TTC34: variants seen among roughly 807,000 people sequenced by gnomAD.
The protein encoded by TTC34 is tetratricopeptide repeat protein 34.
Under a neutral mutation model 40.7 loss-of-function variants are expected in TTC34, and 44 were observed. The observed-to-expected ratio is 1.08, with a 90% CI of 0.85 to 1.39. The LOEUF (loss-of-function observed/expected upper bound fraction) is 1.39. TTC34 is among the 40% of genes most tolerant of loss of function. The pLI is 0.00. For synonymous variants in TTC34, 422 were observed against 398.6 expected (o/e 1.06, Z -0.70); for missense variants, 884 against 838.0 (o/e 1.05, Z -0.68).
chr1:2,800,931 C>G (rs571583884), intron 1 of TTC34, 63 bp from the exon 2 acceptor site: 8 of 398,168 alleles, frequency 2.0e-5, no homozygotes, highest in African/African-American at 1.0e-4. Flanking sequence ...CTGTGGCCAC[C>G]CGTGCCCAGC....
chr1:2,773,260 C>A, intron 6 of TTC34, among the ~76,000 whole-genome samples: 1 of 127,866 alleles, frequency 7.8e-6, no homozygotes, highest in Non-Finnish European at 1.7e-5. Context: ...ACCCACACCC[C>A]CAGGTGAGCA....
rs903284264 is a variant in TTC34 at position 2,796,734 on chromosome 1, C to T, written c.784+3310G>A. Among the ~76,000 whole-genome samples, 4 of 152,196 alleles carry T rather than the reference C, an allele frequency of 2.6e-5. No homozygotes were observed. The highest frequency in any genetic ancestry group is 2.1e-4 in the South Asian group (1 of 4,826). Reference sequence around the variant, plus strand: ...CCTGAGTGCCTGTGCTCTGGGCACCCGGGGTCCCCTCCTTCCTCAGAAGCT... The same window carrying T: ...CCTGAGTGCCTGTGCTCTGGGCACCTGGGGTCCCCTCCTTCCTCAGAAGCT... On this transcript the variant is annotated intron_variant, in intron 2 of 8. Transcript: ENST00000401095. This position sits in a 1 kb window ranked among gnomAD's most constrained non-coding sequence, Gnocchi z 4.5.
At chr1:2,691,786 C>A (rs538443971) in intron 6 of TTC34, among the ~76,000 whole-genome samples, 2,209 of 93,242 alleles carry the variant, frequency 0.024, 384 homozygotes, top group African/African-American at 0.068. Context: ...ACCCACACCC[C>A]CAGGCGAGCA....
chr1:2,761,300 G>C (rs1350874257), intron 6 of TTC34, among the ~76,000 whole-genome samples: 1 of 81,932 alleles, frequency 1.2e-5, no homozygotes, highest in Non-Finnish European at 2.2e-5. Flanking sequence ...GTGAGCATCC[G>C]ACAGCCTGGA....
chr1:2,675,060 A>T (rs1478415028), intron 6 of TTC34, among the ~76,000 whole-genome samples: 1 of 126,806 alleles, frequency 7.9e-6, no homozygotes, highest in East Asian at 2.2e-4. Context: ...AGCATCGGAG[A>T]GTCAGGAGCA....
intron 6 of TTC34, among the ~76,000 whole-genome samples, chr1:2,696,663 TG>T (rs1640881433): frequency 4.3e-5 from 3 of 69,076 alleles, no homozygotes; most frequent in African/African-American, 1.6e-4. Context: ...TCCGCCAGCC[TG>T]GAACAGCACC....
intron 6 of TTC34, among the ~76,000 whole-genome samples, chr1:2,782,633 C>T (rs1165739820): frequency 6.6e-6 from 1 of 152,116 alleles, no homozygotes; most frequent in Non-Finnish European, 1.5e-5. Context: ...CTATACATTT[C>T]CCCCTCAGGA....
intron 6 of TTC34, among the ~76,000 whole-genome samples, chr1:2,699,566 A>ATG (rs1641033488): frequency 7.6e-6 from 1 of 132,120 alleles, no homozygotes; most frequent in African/African-American, 2.8e-5. Context: ...CTGGAGCAGC[A>ATG]CCCACACCCC....
exon 5 of TTC34, chr1:2,785,924 G>C (rs1643581665): frequency 6.5e-7 from 1 of 1,532,186 alleles, no homozygotes; most frequent in Non-Finnish European, 8.8e-7. Context: ...GCCCTGGCGT[G>C]GCAGTGGCCT....
exon 6 of TTC34, chr1:2,783,739 C>A: frequency 6.5e-7 from 1 of 1,539,492 alleles, no homozygotes; most frequent in South Asian, 1.2e-5. Flanking sequence ...CCCATAGCAG[C>A]GGGCTCGGGC....
chr1:2,684,584 G>C (rs1483935421), intron 6 of TTC34, among the ~76,000 whole-genome samples: 10 of 113,318 alleles, frequency 8.8e-5, no homozygotes, highest in Non-Finnish European at 1.7e-4. Flanking sequence ...ATAGCCTGGA[G>C]CAACACCCAT....
At chr1:2,684,567 G>C (rs1413195410) in intron 6 of TTC34, among the ~76,000 whole-genome samples, 1 of 140,678 alleles carries the variant, frequency 7.1e-6, no homozygotes, top group African/African-American at 3.0e-5. Context: ...CCCCAGGTGA[G>C]CATCCGATAG....
At chr1:2,685,023 T>G (rs1434992174) in intron 6 of TTC34, among the ~76,000 whole-genome samples, 19 of 116,136 alleles carry the variant, frequency 1.6e-4, no homozygotes, top group African/African-American at 4.2e-4. Context: ...TGACAGCATG[T>G]AACAGCACCC....
At chr1:2,750,099 T>G (rs1218846199) in intron 6 of TTC34, among the ~76,000 whole-genome samples, 1 of 109,604 alleles carries the variant, frequency 9.1e-6, no homozygotes, top group Non-Finnish European at 1.8e-5. Context: ...AGTGAGCATC[T>G]GACAGCCTGG....
At chr1:2,773,141 C>T (rs1368786582) in intron 6 of TTC34, among the ~76,000 whole-genome samples, 49 of 147,464 alleles carry the variant, frequency 3.3e-4, no homozygotes, top group South Asian at 8.7e-4. Context: ...CACACAACCC[C>T]AGGCGAGCAT....
At chr1:2,768,873 T>C (rs2100483040) in intron 6 of TTC34, among the ~76,000 whole-genome samples, 1 of 92,230 alleles carries the variant, frequency 1.1e-5, no homozygotes, top group East Asian at 3.0e-4. Flanking sequence ...CAGGTGAGCA[T>C]TTGACAGCCC....
At position 2,683,296 on chromosome 1, in the gene TTC34, G is replaced by T. The variant is rs1333817631; in HGVS notation, c.2227-37733C>A. 2.7e-5 allele frequency among the ~76,000 whole-genome samples: 4 copies of T among 146,238 alleles called. No homozygotes were observed. The South Asian group carries it at 8.7e-4, about 32-fold the overall frequency. ...CCACAGGTGAGCATCTGACAGCCTG[G>T]AACAGAATCCACACCCCCAGGTGAG... On this transcript the variant is annotated intron_variant, in intron 6 of 8. Coordinates refer to ENST00000401095, the Ensembl canonical transcript of TTC34.
At chr1:2,641,146 G>T (rs1638891713) in exon 9 of TTC34, 1 of 372,128 alleles carries the variant, frequency 2.7e-6, no homozygotes, top group Non-Finnish European at 4.5e-6. Flanking sequence ...GCTGGGAAGG[G>T]GTGTGTGGGG....
chr1:2,772,972 G>C (rs200744117), intron 6 of TTC34, among the ~76,000 whole-genome samples: 358 of 8,906 alleles, frequency 0.04, no homozygotes, highest in Middle Eastern at 0.05. Flanking sequence ...GGAGCAGCAT[G>C]CACACCCCCA....
Sources: allele counts gnomAD v4.1 joint callset (sites outside exome capture counted in the v4.1 genomes callset), GRCh38; gene constraint gnomAD v4.1.1; non-coding constraint Gnocchi (gnomAD v3.1); transcripts MANE v1.5; gene names NCBI Gene and HGNC (gene_info 2026-07-23, HGNC 2026-07-21).